The following PARD3 variants were observed in gnomAD, a reference collection of about 807,000 sequenced individuals.
PARD3 encodes the protein par-3 family cell polarity regulator.
PARD3 carries 75 observed loss-of-function variants against 155.4 expected under a neutral mutation model. That is an observed-to-expected ratio of 0.48 (90% CI 0.40 to 0.58). The LOEUF is 0.58. Ranked by LOEUF, PARD3 falls within the 20% of genes least tolerant of loss-of-function variation. The pLI, the probability that PARD3 is intolerant of heterozygous loss-of-function variation, is 0.00. For missense variants in PARD3, 1,642 were observed against 1,721.7 expected, an observed-to-expected ratio of 0.95 and a Z score of 0.82; for synonymous variants, 576 against 610.5, an observed-to-expected ratio of 0.94 and a Z score of 0.83.
At chr10:34,208,275 C>T (rs1337054559) in intron 22 of PARD3, among the ~76,000 whole-genome samples, 2 of 152,132 alleles carry the variant, frequency 1.3e-5, no homozygotes, top group Non-Finnish European at 1.5e-5. Flanking sequence ...AGTATTTCAG[C>T]GAAGAAAAGT....
chr10:34,623,953 C>G (rs1272885220), intron 2 of PARD3, among the ~76,000 whole-genome samples: 1 of 151,224 alleles, frequency 6.6e-6, no homozygotes, highest in East Asian at 1.9e-4. Flanking sequence ...GCACTCCAGC[C>G]TGGGCCACAG....
chr10:34,621,639 C>T (rs1428513627), intron 2 of PARD3, among the ~76,000 whole-genome samples: 4 of 152,114 alleles, frequency 2.6e-5, no homozygotes, highest in Non-Finnish European at 5.9e-5. Context: ...ACCTTGACAC[C>T]TTTTAAAAAA....
At chr10:34,732,826 T>C (rs1287022208) in intron 1 of PARD3, among the ~76,000 whole-genome samples, 2 of 152,188 alleles carry the variant, frequency 1.3e-5, no homozygotes, top group Non-Finnish European at 2.9e-5. Context: ...TTCAAATAAA[T>C]GGAAAACCAC....
chr10:34,538,113 C>T (rs1455086711), intron 2 of PARD3, among the ~76,000 whole-genome samples: 1 of 152,306 alleles, frequency 6.6e-6, no homozygotes, highest in African/African-American at 2.4e-5. Flanking sequence ...CCACTGCACT[C>T]CAGCCTGGGT....
At chr10:34,324,504 A>G (rs1347081274) in intron 19 of PARD3, among the ~76,000 whole-genome samples, 3 of 152,186 alleles carry the variant, frequency 2.0e-5, no homozygotes, top group African/African-American at 7.2e-5. Flanking sequence ...GGCACAGGCA[A>G]GGGTAAGCAC....
chr10:34,631,313 C>T (rs1248631579), intron 2 of PARD3, among the ~76,000 whole-genome samples: 4 of 152,088 alleles, frequency 2.6e-5, no homozygotes, highest in Non-Finnish European at 5.9e-5. Context: ...CGAAAAGGTC[C>T]GTGACGTCAA....
intron 2 of PARD3, among the ~76,000 whole-genome samples, chr10:34,566,884 A>T (rs1219691174): frequency 6.6e-6 from 1 of 152,180 alleles, no homozygotes; most frequent in Non-Finnish European, 1.5e-5. Context: ...TATTATTAAC[A>T]CTCTTTTTTT....
chr10:34,347,015 T>A (rs78966259), intron 15 of PARD3, among the ~76,000 whole-genome samples: 4,100 of 152,308 alleles, frequency 0.027, 173 homozygotes, highest in African/African-American at 0.094. Context: ...ATAGCATGCT[T>A]TCCATAAACA....
intron 1 of PARD3, among the ~76,000 whole-genome samples, chr10:34,738,753 A>T (rs989347725): frequency 6.6e-6 from 1 of 152,056 alleles, no homozygotes; most frequent in African/African-American, 2.4e-5. Context: ...ACCCTGTCTT[A>T]AAAAAACAGG....
At chr10:34,588,047 C>A (rs762355979) in intron 2 of PARD3, among the ~76,000 whole-genome samples, 1 of 152,160 alleles carries the variant, frequency 6.6e-6, no homozygotes, top group Non-Finnish European at 1.5e-5. Flanking sequence ...CTAACCTCCA[C>A]CCCTTCCAGG....
At chr10:34,757,746 T>C (rs1366746192) in intron 1 of PARD3, among the ~76,000 whole-genome samples, 5 of 151,758 alleles carry the variant, frequency 3.3e-5, no homozygotes, top group South Asian at 2.1e-4. Context: ...CTGAAAACCA[T>C]TGCAAATTCT....
At chr10:34,560,415 T>C (rs1420715981) in intron 2 of PARD3, among the ~76,000 whole-genome samples, 2 of 152,170 alleles carry the variant, frequency 1.3e-5, no homozygotes, top group Non-Finnish European at 2.9e-5. Flanking sequence ...CTCATTCTAA[T>C]ATTTGACGAG....
chr10:34,507,565 A>G (rs1274287425), intron 3 of PARD3, among the ~76,000 whole-genome samples: 1 of 151,992 alleles, frequency 6.6e-6, no homozygotes, highest in Non-Finnish European at 1.5e-5. Context: ...AAAAAAACAA[A>G]AAAGGAGATA....
chr10:34,515,579 A>C (rs2081671817), intron 3 of PARD3, among the ~76,000 whole-genome samples: 1 of 152,152 alleles, frequency 6.6e-6, no homozygotes, highest in Non-Finnish European at 1.5e-5. Context: ...TGTATGGCGC[A>C]TTGTCCTGTG....
intron 1 of PARD3, among the ~76,000 whole-genome samples, chr10:34,789,132 A>T (rs1052406311): frequency 1.3e-5 from 2 of 152,224 alleles, no homozygotes; most frequent in African/African-American, 4.8e-5. Context: ...TACGACCTCT[A>T]AAAAGTATTA....
intron 1 of PARD3, among the ~76,000 whole-genome samples, chr10:34,761,067 C>T (rs896649373): frequency 4.7e-5 from 7 of 149,436 alleles, no homozygotes; most frequent in Non-Finnish European, 7.4e-5. Context: ...CAACCAAAAA[C>T]AAAAAAAAAG....
intron 1 of PARD3, among the ~76,000 whole-genome samples, chr10:34,778,337 A>G (rs954464991): frequency 6.6e-6 from 1 of 152,176 alleles, no homozygotes; most frequent in Non-Finnish European, 1.5e-5. Context: ...AAATGAGGCA[A>G]AGGCTGGTTC....
At chr10:34,377,633 A>G (rs1434050049) in intron 10 of PARD3, among the ~76,000 whole-genome samples, 4 of 151,920 alleles carry the variant, frequency 2.6e-5, no homozygotes, top group African/African-American at 7.2e-5. Flanking sequence ...ATTTCTCATC[A>G]GATAACATGG....
At chr10:34,712,367 C>T (rs1240320443) in intron 1 of PARD3, among the ~76,000 whole-genome samples, 1 of 152,216 alleles carries the variant, frequency 6.6e-6, no homozygotes, top group East Asian at 1.9e-4. Flanking sequence ...CCATCAGCAC[C>T]ATGAAAGCAG....
Sources: gnomAD v4.1 joint callset for allele counts (sites outside exome capture counted in the v4.1 genomes callset) on GRCh38, gnomAD v4.1.1 for gene constraint, MANE v1.5 for transcripts, NCBI Gene and HGNC (gene_info 2026-07-23, HGNC 2026-07-21) for gene names.